LMTK2: variants seen among roughly 807,000 people sequenced by gnomAD.
LMTK2 encodes lemur tail kinase 2.
In LMTK2, 37 loss-of-function variants were observed where a neutral mutation model predicts 127.5. The observed-to-expected ratio is 0.29, with a 90% CI of 0.22 to 0.38. The LOEUF is 0.38. LMTK2 is among the 10% of genes least tolerant of loss of function. The pLI, the probability that LMTK2 is intolerant of heterozygous loss-of-function variation, is 1.00. For missense variants in LMTK2, 1,694 were observed against 1,920.3 expected (o/e 0.88, Z 2.20); for synonymous variants, 819 against 810.1 (o/e 1.01, Z -0.19).
intron 11 of LMTK2, among the ~76,000 whole-genome samples, chr7:98,202,955 G>T (rs532698685): frequency 3.9e-5 from 6 of 152,314 alleles, no homozygotes; most frequent in Non-Finnish European, 5.9e-5. Flanking sequence ...GAGCCAAGCA[G>T]TGGGAGGACA....
In LMTK2 at chr7:98,203,757, G is replaced by A. The variant is rs368109185; in HGVS notation, c.4240+51G>A. 1.3e-4 allele frequency: 213 copies of A among 1,607,700 alleles called. No individual in the cohort carries two copies. The African/African-American group carries it at 2.5e-3, about 19-fold the overall frequency. On this transcript the variant is annotated intron_variant, in intron 12 of 13. Coordinates refer to ENST00000297293, the MANE Select transcript of LMTK2 (RefSeq NM_014916.4). ...AAAGGAAACTGAAAAATTGAGTAAT[G>A]TAAAGGTTTTTTGAGGGTAACTTCC...
chr7:98,155,052 C>T (rs1796908742), intron 5 of LMTK2, among the ~76,000 whole-genome samples, 176 bp downstream of exon 5: 1 of 152,128 alleles, frequency 6.6e-6, no homozygotes, highest in Non-Finnish European at 1.5e-5. Context: ...TTCCAAGAAC[C>T]AGGAGAACTC....
At chr7:98,174,175 T>A (rs377748430) in intron 7 of LMTK2, among the ~76,000 whole-genome samples, 7 of 152,248 alleles carry the variant, frequency 4.6e-5, no homozygotes, top group African/African-American at 1.4e-4. Flanking sequence ...AGTTTTGTGT[T>A]TTAAGATCTT....
Position 98,194,505 on chromosome 7 carries a change from A to G in LMTK2, c.4040A>G (p.Glu1347Gly). The change falls in exon 11 of 14, where the codon GAG (glutamate) becomes GGG (glycine). Residue 1347 changes from glutamate (E) to glycine (G), a missense_variant. Glu to Gly is a moderately conservative substitution (Grantham distance 98). Around this residue, in one of 8 missense-constraint regions of LMTK2, gnomAD observed 554 missense variants for 567.7 expected, o/e 0.98. Coordinates refer to ENST00000297293, the MANE Select transcript of LMTK2 (RefSeq NM_014916.4). This position sits in a 1 kb window ranked among gnomAD's most constrained non-coding sequence, Gnocchi z 5.4. ...GCCAATGCCCCCGACCCACTGCCCG[A>G]GGACTGGAAGAAGGAAAAGAAGGCA... Reference protein sequence around the residue: ...TAANAPDPLPEDWKKEKKAVT... With the variant: ...TAANAPDPLPGDWKKEKKAVT... The G allele has an allele frequency of 6.2e-7, 1 of 1,613,352 alleles. No individual in the cohort carries two copies. Among genetic ancestry groups the G allele is most frequent in the Non-Finnish European group, 8.5e-7 (1 of 1,180,018 alleles).
At position 98,207,953 on chromosome 7, in the gene LMTK2, TA is replaced by T. The variant is rs1797834595; in HGVS notation, c.*2462del. 2 of 151,416 alleles carry T rather than the reference TA, an allele frequency of 1.3e-5. No individual in the cohort carries two copies. Among genetic ancestry groups the T allele is most frequent in the Non-Finnish European group, 2.9e-5 (2 of 67,924 alleles). The allele number at this position is 151,416 out of a possible 1,614,324, so 9.4% of individuals were successfully genotyped here. On this transcript the variant is annotated 3_prime_UTR_variant, in exon 14 of 14. Transcript: ENST00000297293. ...AAAATACAAAATATATATATATATA[TA>T]TATACTAGCTGGGGCACATAGTGGT... is the stretch of plus-strand genomic sequence containing the variant.
At chr7:98,127,140 C>T (rs1796455611) in intron 1 of LMTK2, among the ~76,000 whole-genome samples, 1 of 152,132 alleles carries the variant, frequency 6.6e-6, no homozygotes, top group Non-Finnish European at 1.5e-5. Context: ...GTACAGGAAA[C>T]CTTGATGATA....
At chr7:98,140,147 CTTTTCTTTTCTTTT>C (rs1796665324) in intron 2 of LMTK2, among the ~76,000 whole-genome samples, 3 of 62,738 alleles carry the variant, frequency 4.8e-5, no homozygotes, top group Non-Finnish European at 5.1e-5. Flanking sequence ...TCTTTCTTTT[CTTTTCTTTTCTTTT>C]CTTTTCTTTT....
chr7:98,128,249 CTG>C (rs749481832), intron 1 of LMTK2, among the ~76,000 whole-genome samples: 42 of 152,314 alleles, frequency 2.8e-4, no homozygotes, highest in Middle Eastern at 6.8e-3. Context: ...CAAACTATAA[CTG>C]TATTTGGAGA....
intron 3 of LMTK2, among the ~76,000 whole-genome samples, chr7:98,147,573 GTTTCCT>G (rs1369432295): frequency 6.6e-6 from 1 of 151,884 alleles, no homozygotes; most frequent in African/African-American, 2.4e-5. Context: ...CATGCCCTCT[GTTTCCT>G]TTTCTTTCTC....
At chr7:98,149,490 T>G (rs1162108412) in intron 3 of LMTK2, among the ~76,000 whole-genome samples, 1 of 152,204 alleles carries the variant, frequency 6.6e-6, no homozygotes, top group Non-Finnish European at 1.5e-5. Context: ...CCATTTCCAC[T>G]GCTGTCACCG....
In LMTK2 at chr7:98,167,618, G is replaced by A. The variant is rs191318394; in HGVS notation, c.658-3923G>A. On this transcript the variant is annotated intron_variant, in intron 6 of 13. Coordinates refer to ENST00000297293, the MANE Select transcript of LMTK2 (RefSeq NM_014916.4). ...CTTCACTTTTGGTCTGACGCACTTG[G>A]AAAACGGCGATGCCACTTACTGAGA... 3.2e-3 allele frequency among the ~76,000 whole-genome samples: 482 copies of A among 152,326 alleles called. 2 individuals carry two copies. Among genetic ancestry groups the A allele is most frequent in the Non-Finnish European group, 5.2e-3 (354 of 68,024 alleles).
At chr7:98,125,711 G>A (rs75146298) in intron 1 of LMTK2, among the ~76,000 whole-genome samples, 1,877 of 152,298 alleles carry the variant, frequency 0.012, 18 homozygotes, top group Admixed American at 0.02. Context: ...AACAGTTGAA[G>A]CATTATCAAA....
chr7:98,163,936 A>G (rs1038884278), intron 6 of LMTK2, among the ~76,000 whole-genome samples: 1 of 152,268 alleles, frequency 6.6e-6, no homozygotes, highest in African/African-American at 2.4e-5. Flanking sequence ...TAGCAGGTCA[A>G]GAGCGATTGA....
chr7:98,150,085 G>T (rs1003273724), intron 3 of LMTK2, among the ~76,000 whole-genome samples: 24 of 152,020 alleles, frequency 1.6e-4, no homozygotes, highest in Admixed American at 1.6e-3. Context: ...CGAGGCGGGC[G>T]GATCACAAGG....
chr7:98,184,152 T>C (rs545577013), intron 7 of LMTK2, among the ~76,000 whole-genome samples: 1 of 152,222 alleles, frequency 6.6e-6, no homozygotes, highest in Non-Finnish European at 1.5e-5. Context: ...GTTTTGTACA[T>C]TGTTATGGTT....
At chr7:98,167,294 C>T (rs1442100172) in intron 6 of LMTK2, among the ~76,000 whole-genome samples, 2 of 152,204 alleles carry the variant, frequency 1.3e-5, no homozygotes, top group African/African-American at 2.4e-5. Context: ...GGGAACTAGA[C>T]GGAGTCCTAG....
At chr7:98,196,488 G>T (rs1797623835) in intron 11 of LMTK2, among the ~76,000 whole-genome samples, 1 of 152,190 alleles carries the variant, frequency 6.6e-6, no homozygotes, top group Non-Finnish European at 1.5e-5. Context: ...CTCCATGGAT[G>T]GGGTAATGTA....
At chr7:98,149,138 C>T (rs1475168609) in intron 3 of LMTK2, among the ~76,000 whole-genome samples, 1 of 152,364 alleles carries the variant, frequency 6.6e-6, no homozygotes, top group East Asian at 1.9e-4. Flanking sequence ...AGAGAAGCCA[C>T]TTGTGGCAGT....
chr7:98,113,420 A>G (rs1796232642), intron 1 of LMTK2, among the ~76,000 whole-genome samples: 2 of 152,032 alleles, frequency 1.3e-5, no homozygotes, highest in Admixed American at 6.6e-5. Flanking sequence ...GCGATTCTTT[A>G]TAGCACTGTA....
Sources: allele counts gnomAD v4.1 joint callset (sites outside exome capture counted in the v4.1 genomes callset), GRCh38; gene constraint gnomAD v4.1.1; regional missense constraint gnomAD v4.1.1; non-coding constraint Gnocchi (gnomAD v3.1); transcripts MANE v1.5; gene names NCBI Gene and HGNC (gene_info 2026-07-23, HGNC 2026-07-21).